The following IL23R variants were observed in gnomAD, a reference collection of about 807,000 sequenced individuals.
The protein encoded by IL23R is interleukin 23 receptor.
A neutral mutation model predicts 56.9 loss-of-function variants in IL23R; 34 were observed. The ratio of observed to expected loss-of-function variants is 0.60; its 90% CI spans 0.45 to 0.80. IL23R has a LOEUF of 0.80. Ranked by LOEUF, IL23R falls within the 30% of genes least tolerant of loss-of-function variation. The pLI is 0.00. For missense variants in IL23R, 635 were observed against 730.0 expected (o/e 0.87, Z 1.50); for synonymous variants, 230 against 249.2 (o/e 0.92, Z 0.73).
chr1:67,179,522 G>C (rs1647059553), intron 3 of IL23R, among the ~76,000 whole-genome samples: 1 of 151,656 alleles, frequency 6.6e-6, no homozygotes, highest in Admixed American at 6.6e-5. Context: ...TTCTTTATTA[G>C]TCTTGCTAGT....
chr1:67,211,098 T>A (rs908157127), intron 6 of IL23R, among the ~76,000 whole-genome samples: 1 of 152,244 alleles, frequency 6.6e-6, no homozygotes, highest in African/African-American at 2.4e-5. Context: ...ATGTGAACTT[T>A]ATGGTTGTTT....
chr1:67,214,881 G>A (rs1217686181), intron 6 of IL23R, among the ~76,000 whole-genome samples: 1 of 152,176 alleles, frequency 6.6e-6, no homozygotes. Context: ...GGCCTGCCTG[G>A]CCAAAACCCA....
chr1:67,206,105 C>T (rs543638450), intron 5 of IL23R, among the ~76,000 whole-genome samples: 16 of 151,732 alleles, frequency 1.1e-4, no homozygotes, highest in Non-Finnish European at 1.9e-4. Flanking sequence ...CTCTGCCTCC[C>T]GGGTTCAAGC....
At chr1:67,167,250 T>C (rs796193035) in intron 1 of IL23R, among the ~76,000 whole-genome samples, 23 of 152,256 alleles carry the variant, frequency 1.5e-4, no homozygotes, top group African/African-American at 5.3e-4. Flanking sequence ...TTTGTATTTT[T>C]AGTAGGGACA....
At chr1:67,194,395 C>A (rs1332451052) in intron 4 of IL23R, among the ~76,000 whole-genome samples, 1 of 152,188 alleles carries the variant, frequency 6.6e-6, no homozygotes, top group Non-Finnish European at 1.5e-5. Flanking sequence ...CATCAGCCAT[C>A]TCATTAGCAC....
chr1:67,148,642 T>C (rs1377303892), intron 1 of IL23R, among the ~76,000 whole-genome samples: 3 of 152,224 alleles, frequency 2.0e-5, no homozygotes, highest in Non-Finnish European at 4.4e-5. Context: ...CTTCTGAGAA[T>C]TATTTCTCAC....
At chr1:67,261,082 C>CTTT (rs34219944), downstream of IL23R, among the ~76,000 whole-genome samples, 3 of 144,242 alleles carry the variant, frequency 2.1e-5, no homozygotes, top group Non-Finnish European at 4.6e-5. Flanking sequence ...TTTTGTTTTA[C>CTTT]TTTTTTTTTT....
At chr1:67,159,276 T>A (rs1175084812) in intron 1 of IL23R, among the ~76,000 whole-genome samples, 1 of 151,518 alleles carries the variant, frequency 6.6e-6, no homozygotes, top group Non-Finnish European at 1.5e-5. Flanking sequence ...CTATCAGTGA[T>A]AATGAGTGAG....
intron 7 of IL23R, among the ~76,000 whole-genome samples, chr1:67,228,810 TCTGA>T (rs997083118): frequency 2.0e-5 from 3 of 152,152 alleles, no homozygotes; most frequent in African/African-American, 7.2e-5. Flanking sequence ...AATCTCTTTC[TCTGA>T]CTCTCAACCT....
At chr1:67,175,142 G>A (rs1224010105) in intron 3 of IL23R, among the ~76,000 whole-genome samples, 2 of 151,962 alleles carry the variant, frequency 1.3e-5, no homozygotes, top group East Asian at 3.9e-4. Context: ...GGAGTGAGGG[G>A]CTGGAGGGGA....
At chr1:67,235,389 CTTTTTTCT>C (rs1651402450) in intron 7 of IL23R, among the ~76,000 whole-genome samples, 3 of 60,172 alleles carry the variant, frequency 5.0e-5, no homozygotes, top group Admixed American at 2.6e-4. Flanking sequence ...AGCCTTTTTT[CTTTTTTCT>C]TTTTTTTTTT....
At chr1:67,237,223 G>A (rs1010768121) in intron 8 of IL23R, among the ~76,000 whole-genome samples, 9 of 151,950 alleles carry the variant, frequency 5.9e-5, no homozygotes, top group Non-Finnish European at 1.3e-4. Context: ...TTGCATTTTT[G>A]TAGAGACGGG....
downstream of IL23R, among the ~76,000 whole-genome samples, chr1:67,263,180 AC>A (rs11313807): frequency 0.32 from 46,526 of 145,046 alleles, 7,985 homozygotes; most frequent in African/African-American, 0.38. Context: ...CACAGCCTCA[AC>A]CTCCCAGGCC....
chr1:67,219,411 A>G, intron 6 of IL23R, 163 bp from the exon 7 acceptor site: 1 of 650,242 alleles, frequency 1.5e-6, no homozygotes, highest in Non-Finnish European at 2.7e-6. Context: ...TTTCAGAGAC[A>G]GTATTTGATT....
chr1:67,139,035 T>G (rs898690076), exon 1 of IL23R: 1 of 152,192 alleles, frequency 6.6e-6, no homozygotes, highest in African/African-American at 2.4e-5. Flanking sequence ...ACTATGAAGA[T>G]CCTAAGAGTG....
At chr1:67,260,154 T>G (rs1176485361), downstream of IL23R, among the ~76,000 whole-genome samples, 1 of 151,922 alleles carries the variant, frequency 6.6e-6, no homozygotes, top group Non-Finnish European at 1.5e-5. Context: ...TTTCCCCTAC[T>G]CTCCAGGTAT....
intron 6 of IL23R, among the ~76,000 whole-genome samples, chr1:67,218,079 C>A (rs1649968002): frequency 6.6e-6 from 1 of 151,948 alleles, no homozygotes; most frequent in African/African-American, 2.4e-5. Context: ...AGATGCTGTA[C>A]AAATGCCTTG....
At position 67,231,179 on chromosome 1, in the gene IL23R, A is replaced by G. The variant is rs897272413; in HGVS notation, c.956-5534A>G. On this transcript the variant is annotated intron_variant, in intron 7 of 10. Coordinates refer to ENST00000347310, the MANE Select transcript of IL23R (RefSeq NM_144701.3). Reference sequence around the variant, plus strand: ...AGGCCTTGGTTACTGTGGCTTTGACATCAAGATTGGCAAGCGCAAAAGTAA... The same window carrying G: ...AGGCCTTGGTTACTGTGGCTTTGACGTCAAGATTGGCAAGCGCAAAAGTAA... Among the ~76,000 whole-genome samples the G allele has an allele frequency of 2.0e-5, 3 of 152,224 alleles. No homozygotes were observed. The South Asian group carries it at 6.2e-4, about 32-fold the overall frequency.
At chr1:67,172,091 T>C (rs1002069389) in intron 3 of IL23R, among the ~76,000 whole-genome samples, 1 of 152,194 alleles carries the variant, frequency 6.6e-6, no homozygotes, top group Non-Finnish European at 1.5e-5. Flanking sequence ...AACTGCCAGG[T>C]GAGAATTTAC....
Sources: allele counts gnomAD v4.1 joint callset (sites outside exome capture counted in the v4.1 genomes callset), GRCh38; gene constraint gnomAD v4.1.1; transcripts MANE v1.5; gene names NCBI Gene and HGNC (gene_info 2026-07-23, HGNC 2026-07-21).